The following DIAPH2 variants were observed in gnomAD, a reference collection of about 807,000 sequenced individuals.
DIAPH2 encodes the protein diaphanous related formin 2.
In DIAPH2, 35 loss-of-function variants were observed where a neutral mutation model predicts 92.7. The observed-to-expected ratio is 0.38, with a 90% CI of 0.29 to 0.50. The LOEUF (loss-of-function observed/expected upper bound fraction) is 0.50, where lower values mean the gene tolerates loss of function less well. DIAPH2 is among the 20% of genes least tolerant of loss of function. The pLI is 0.94. For synonymous variants in DIAPH2, 301 were observed against 280.4 expected (o/e 1.07, Z -0.73); for missense variants, 701 against 819.5 (o/e 0.86, Z 1.77).
intron 26 of DIAPH2, among the ~76,000 whole-genome samples, chrX:97,443,101 A>G (rs961296310): frequency 9.0e-6 from 1 of 110,583 alleles, no homozygotes; most frequent in Non-Finnish European, 1.9e-5. Context: ...GAGTCTCACT[A>G]TGTTGCCCAT....
chrX:97,482,610 CAG>C (rs1471258780), intron 26 of DIAPH2, among the ~76,000 whole-genome samples: 1 of 90,692 alleles, frequency 1.1e-5, no homozygotes, highest in Non-Finnish European at 2.1e-5. Context: ...GAGGGAGAGA[CAG>C]GGAGAAATTG....
intron 17 of DIAPH2, among the ~76,000 whole-genome samples, chrX:96,972,638 G>T (rs949338929): frequency 9.0e-6 from 1 of 110,937 alleles, no homozygotes; most frequent in Non-Finnish European, 1.9e-5. Context: ...TGTAGTAAAT[G>T]TTAGAGTAGA....
intron 22 of DIAPH2, among the ~76,000 whole-genome samples, chrX:97,212,600 T>G (rs1042338173): frequency 9.3e-6 from 1 of 106,966 alleles, no homozygotes; most frequent in Admixed American, 1.0e-4. Flanking sequence ...GTTTTTTTTT[T>G]TTTTTTTTCA....
intron 17 of DIAPH2, among the ~76,000 whole-genome samples, chrX:96,990,996 A>C (rs182657468): frequency 2.2e-4 from 25 of 111,647 alleles, no homozygotes; most frequent in Admixed American, 3.8e-4. Flanking sequence ...GTGGAAAATA[A>C]ATCATGATAA....
At chrX:96,885,588 C>T (rs2065256273) in intron 5 of DIAPH2, 1 of 110,787 alleles carries the variant, frequency 9.0e-6, no homozygotes, top group African/African-American at 3.3e-5. Context: ...TTCAAATGAG[C>T]TGAAGATACT....
chrX:96,690,457 T>A (rs925357638), intron 1 of DIAPH2, among the ~76,000 whole-genome samples: 2 of 111,992 alleles, frequency 1.8e-5, no homozygotes, highest in Non-Finnish European at 3.8e-5. Flanking sequence ...TATACAAATA[T>A]AGAGCATTTT....
intron 4 of DIAPH2, among the ~76,000 whole-genome samples, chrX:96,812,198 G>C (rs1179310825): frequency 9.0e-6 from 1 of 111,551 alleles, no homozygotes; most frequent in African/African-American, 3.3e-5. Context: ...CAATTTCAGA[G>C]CCTGTTATTG....
At position 97,340,642 on chromosome X, in the gene DIAPH2, T is replaced by G. The variant is rs190709477; in HGVS notation, c.2845-7474T>G. 8.7e-3 allele frequency among the ~76,000 whole-genome samples: 944 copies of G among 108,969 alleles called. 5 individuals carry two copies. The highest frequency in any genetic ancestry group is 0.03 in the African/African-American group (883 of 29,906). 94.6% of individuals were successfully genotyped at this position (108,969 alleles called of 115,157 possible). A position where few individuals can be genotyped will look rare whatever the true frequency, so the allele number is the denominator to read the frequency against. ...ACCAAATAGCCTTGCTGGTTTTTTG[T>G]TTTATTGTTTTTTTTGTTTTTTTTT... On this transcript the variant is annotated intron_variant, in intron 23 of 26. Transcript: ENST00000324765.
chrX:96,754,612 G>A (rs1274906778), intron 3 of DIAPH2, among the ~76,000 whole-genome samples: 1 of 110,895 alleles, frequency 9.0e-6, no homozygotes, highest in East Asian at 2.8e-4. Flanking sequence ...GAGGACGTAG[G>A]GAGTACACTG....
intron 23 of DIAPH2, among the ~76,000 whole-genome samples, chrX:97,274,006 GGTGTGTGTGTGTGTGTGTGTGTGTGT>G (rs55778849): frequency 1.2e-5 from 1 of 86,732 alleles, no homozygotes; most frequent in East Asian, 3.9e-4. Context: ...TAAAACTAGC[GGTGTGTGTGTGTGTGTGTGTGTGTGT>G]GTGTGTGTGT....
At chrX:97,296,643 C>T (rs972062649) in intron 23 of DIAPH2, among the ~76,000 whole-genome samples, 2 of 112,099 alleles carry the variant, frequency 1.8e-5, no homozygotes, top group African/African-American at 6.5e-5. Flanking sequence ...ATTATAGGAA[C>T]TCTGTATTTG....
At position 97,281,969 on chromosome X, in the gene DIAPH2, T is replaced by C. The variant is rs2068501406; in HGVS notation, c.2844+34130T>C. Among the ~76,000 whole-genome samples the C allele has an allele frequency of 2.7e-5, 3 of 110,698 alleles. No individual in the cohort carries two copies. The South Asian group carries it at 1.2e-3, about 43-fold the overall frequency. On this transcript the variant is annotated intron_variant, in intron 23 of 26. Coordinates refer to ENST00000324765, the MANE Select transcript of DIAPH2 (RefSeq NM_006729.5). Reference sequence around the variant, plus strand: ...AAAGGCTGGGCTTTTCTAATGTTAATCCTGAGGAAGAGGAGAGTCTCTTGC... The same window carrying C: ...AAAGGCTGGGCTTTTCTAATGTTAACCCTGAGGAAGAGGAGAGTCTCTTGC...
At chrX:96,845,484 C>A (rs1467646049) in intron 4 of DIAPH2, among the ~76,000 whole-genome samples, 2 of 111,788 alleles carry the variant, frequency 1.8e-5, no homozygotes, top group Non-Finnish European at 3.8e-5. Context: ...GATGAGGTAC[C>A]ATTTCCATAT....
intron 4 of DIAPH2, among the ~76,000 whole-genome samples, chrX:96,863,927 G>A: frequency 9.0e-6 from 1 of 110,517 alleles, no homozygotes; most frequent in Non-Finnish European, 1.9e-5. Flanking sequence ...GCCGAGCATG[G>A]TGGTGCGCAC....
At chrX:96,782,425 A>T (rs891065673) in intron 4 of DIAPH2, among the ~76,000 whole-genome samples, 2 of 112,092 alleles carry the variant, frequency 1.8e-5, no homozygotes, top group Non-Finnish European at 3.8e-5. Context: ...CCTCCCGAGT[A>T]GCTGGGACTA....
chrX:97,543,979 A>G, intron 26 of DIAPH2, among the ~76,000 whole-genome samples: 1 of 112,391 alleles, frequency 8.9e-6, no homozygotes, highest in Admixed American at 9.4e-5. Flanking sequence ...TATCGCGCTC[A>G]GATCTATCAG....
In DIAPH2 at chrX:97,086,928, G is replaced by C. The variant is rs954777171; in HGVS notation, c.2247+11667G>C. Among the ~76,000 whole-genome samples, 8 of 110,325 alleles carry C rather than the reference G, an allele frequency of 7.3e-5. No homozygotes were observed. The Admixed American group carries it at 7.7e-4, about 11-fold the overall frequency. ...CGAGCGGGTTGGGGAGTTTACTGCT[G>C]GACAGCAATAAAAAGTAGTAACAGA... On this transcript the variant is annotated intron_variant, in intron 19 of 26. Coordinates refer to ENST00000324765, the MANE Select transcript of DIAPH2 (RefSeq NM_006729.5).
At chrX:96,998,503 A>T (rs2066120191) in intron 17 of DIAPH2, among the ~76,000 whole-genome samples, 1 of 112,048 alleles carries the variant, frequency 8.9e-6, no homozygotes, top group South Asian at 3.7e-4. Flanking sequence ...TTTTCATATT[A>T]TTAAAACTTT....
At chrX:96,692,865 G>A (rs1009048410) in intron 1 of DIAPH2, among the ~76,000 whole-genome samples, 2 of 112,258 alleles carry the variant, frequency 1.8e-5, no homozygotes, top group Non-Finnish European at 3.8e-5. Flanking sequence ...ACTGGCTCTA[G>A]TTTTATTTCA....
Sources: gnomAD v4.1 joint callset for allele counts (sites outside exome capture counted in the v4.1 genomes callset) on GRCh38, gnomAD v4.1.1 for gene constraint, MANE v1.5 for transcripts, NCBI Gene and HGNC (gene_info 2026-07-23, HGNC 2026-07-21) for gene names.